PYROXD2: variants seen among roughly 807,000 people sequenced by gnomAD.
The protein encoded by PYROXD2 is pyridine nucleotide-disulfide oxidoreductase domain-containing protein 2.
Under a neutral mutation model 71.1 loss-of-function variants are expected in PYROXD2, and 69 were observed. The ratio of observed to expected loss-of-function variants is 0.97; its 90% CI spans 0.80 to 1.19. The LOEUF is 1.19. PYROXD2 is among the 50% of genes most tolerant of loss of function. The pLI is 0.00. For missense variants in PYROXD2, 745 were observed against 748.9 expected (o/e 0.99, Z 0.06); for synonymous variants, 287 against 302.7 (o/e 0.95, Z 0.54).
chr10:98,389,256 A>G (rs1265057186), intron 12 of PYROXD2, among the ~76,000 whole-genome samples: 5 of 151,366 alleles, frequency 3.3e-5, no homozygotes, highest in African/African-American at 1.2e-4. Flanking sequence ...TTTGACCCAC[A>G]TCCCACTCCC....
rs772683205 is a variant in PYROXD2 at position 98,395,251 on chromosome 10, G to C, written c.730C>G (p.Leu244Val). Residue 244 changes from leucine (L) to valine (V), a missense_variant, in exon 8 of 16, where the codon CTA becomes GTA. By Grantham distance (32) the Leu-to-Val change is conservative. Transcript: ENST00000370575. The part of the protein sequence containing the change: ...WFESEPLKAT[L>V]ATDAVIGAMT... Reference sequence around the variant, plus strand: ...GCTCCAATCACTGCATCTGTGGCTAGAGTGGCTTTTAAAGGCTCAGACTCG... The same window carrying C: ...GCTCCAATCACTGCATCTGTGGCTACAGTGGCTTTTAAAGGCTCAGACTCG... 1 of 1,613,796 alleles carries C rather than the reference G, an allele frequency of 6.2e-7. No homozygotes were observed. Among genetic ancestry groups the C allele is most frequent in the East Asian group, 2.2e-5 (1 of 44,888 alleles).
At chr10:98,395,598 T>C in intron 6 of PYROXD2, 146 bp from the exon 7 acceptor site, 1 of 694,360 alleles carries the variant, frequency 1.4e-6, no homozygotes, top group East Asian at 2.7e-5. Context: ...AGATCCAGCT[T>C]GAGTCCTGGC....
At position 98,390,724 on chromosome 10, in the gene PYROXD2, G is replaced by A. The variant is rs544916988; in HGVS notation, c.1166C>T (p.Ala389Val). Residue 389 changes from alanine to valine, a missense_variant, in exon 12 of 16, where the codon GCG becomes GTG. Ala to Val is a moderately conservative substitution (Grantham distance 64). Coordinates refer to ENST00000370575, the MANE Select transcript of PYROXD2 (RefSeq NM_032709.3). Reference protein sequence around the residue: ...VAVDRLPSFLAAPNAPRGQPL... With the variant: ...VAVDRLPSFLVAPNAPRGQPL... ...CTGGCCCCTGGGAGCATTGGGGGCC[G>A]CCAGGAAGCTGGGCAGCCTGTCTAC... 9.0e-5 allele frequency: 144 copies of A among 1,605,840 alleles called. No homozygotes were observed. Among genetic ancestry groups the A allele is most frequent in the Admixed American group, 4.4e-4 (26 of 58,994 alleles).
chr10:98,397,217 G>T (rs1265721981), intron 6 of PYROXD2, 128 bp downstream of exon 6: 9 of 1,270,706 alleles, frequency 7.1e-6, no homozygotes, highest in Non-Finnish European at 9.5e-6. Flanking sequence ...CTAATTGATC[G>T]CAGCATGTTA....
In PYROXD2 at chr10:98,405,492, G is replaced by C. The variant is rs12243998; in HGVS notation, c.315+2090C>G. Among the ~76,000 whole-genome samples, 12 of 152,292 alleles carry C rather than the reference G, an allele frequency of 7.9e-5. No homozygotes were observed. The East Asian group carries it at 2.3e-3, about 29-fold the overall frequency. ...GCCAAATGGGGGTAATAATAATAGCGACAAGTACTGAGCCCTCTGTGCACC... is the reference window on the plus strand; with the variant it reads ...GCCAAATGGGGGTAATAATAATAGCCACAAGTACTGAGCCCTCTGTGCACC... On this transcript the variant is annotated intron_variant, in intron 4 of 15. Transcript: ENST00000370575.
rs1395553565 is a variant in PYROXD2, at chr10:98,395,128, A to G, written c.785+68T>C. ...GGCAGCTGTTGTTGCTGCCACTGCC[A>G]CTGTTGTCCTCACTCCTGTTGGGGA... On this transcript the variant is annotated intron_variant, in intron 8 of 15. Coordinates refer to ENST00000370575, the MANE Select transcript of PYROXD2 (RefSeq NM_032709.3). 4 of 1,359,048 alleles carry G rather than the reference A, an allele frequency of 2.9e-6. No individual in the cohort carries two copies. The African/African-American group carries it at 5.7e-5, about 19-fold the overall frequency. The allele number at this position is 1,359,048 out of a possible 1,614,324, so 84.2% of individuals were successfully genotyped here.
At chr10:98,408,791 A>T (rs1289875252) in intron 2 of PYROXD2, among the ~76,000 whole-genome samples, 1 of 152,228 alleles carries the variant, frequency 6.6e-6, no homozygotes, top group Non-Finnish European at 1.5e-5. Context: ...CAAAAGTCGG[A>T]CTTTTCAAAA....
At chr10:98,402,123 T>C (rs1285713506) in intron 4 of PYROXD2, among the ~76,000 whole-genome samples, 1 of 152,226 alleles carries the variant, frequency 6.6e-6, no homozygotes, top group Non-Finnish European at 1.5e-5. Context: ...GGGAATTTTT[T>C]CAGCTCCATT....
At chr10:98,391,601 T>C (rs1347380969) in intron 10 of PYROXD2, among the ~76,000 whole-genome samples, 1 of 152,112 alleles carries the variant, frequency 6.6e-6, no homozygotes, top group East Asian at 1.9e-4. Flanking sequence ...CCCTCCCTGT[T>C]TGCACACCCA....
intron 10 of PYROXD2, among the ~76,000 whole-genome samples, 197 bp from the exon 11 acceptor site, chr10:98,391,279 C>T (rs924140255): frequency 3.3e-5 from 5 of 152,176 alleles, no homozygotes; most frequent in East Asian, 1.9e-4. Flanking sequence ...TCCTCCTCCG[C>T]GCTTGGCCAG....
intron 8 of PYROXD2, among the ~76,000 whole-genome samples, chr10:98,394,458 C>T (rs1042190853): frequency 1.2e-4 from 18 of 151,974 alleles, no homozygotes; most frequent in Non-Finnish European, 1.5e-4. Flanking sequence ...AGAAAAGCCA[C>T]GTCGACGCCT....
Position 98,390,710 on chromosome 10 carries a change from G to T in PYROXD2, c.1180C>A (p.Pro394Thr). ...LPSFLAAPNA[P>T]RGQPLPHHQC... ...TGATGGGGCAGCGGCTGGCCCCTGGGAGCATTGGGGGCCGCCAGGAAGCTG... is the reference window on the plus strand; with the variant it reads ...TGATGGGGCAGCGGCTGGCCCCTGGTAGCATTGGGGGCCGCCAGGAAGCTG... The change falls in exon 12 of 16, where the codon CCC (proline) becomes ACC (threonine). Residue 394 changes from proline to threonine, a missense_variant. Transcript: ENST00000370575. 1.9e-6 allele frequency: 3 copies of T among 1,610,620 alleles called. No homozygotes were observed. The highest frequency in any genetic ancestry group is 2.5e-6 in the Non-Finnish European group (3 of 1,178,362).
intron 4 of PYROXD2, among the ~76,000 whole-genome samples, chr10:98,403,088 G>A (rs1282102603): frequency 2.0e-5 from 3 of 152,180 alleles, no homozygotes; most frequent in African/African-American, 2.4e-5. Context: ...CAGGCTCGCC[G>A]CAGCTCTGGA....
Position 98,383,655 on chromosome 10 carries a change from G to A in PYROXD2, c.*143C>T, listed in dbSNP as rs1052060452. On this transcript the variant is annotated 3_prime_UTR_variant, in exon 16 of 16. Coordinates refer to ENST00000370575, the MANE Select transcript of PYROXD2 (RefSeq NM_032709.3). Reference sequence around the variant, plus strand: ...GGTCAACTTGCACTAAATGTAACTCGTACGTTTTTTCTAAAATAATTTCTT... The same window carrying A: ...GGTCAACTTGCACTAAATGTAACTCATACGTTTTTTCTAAAATAATTTCTT... The A allele has an allele frequency of 3.0e-5, 22 of 731,392 alleles. No individual in the cohort carries two copies. Among genetic ancestry groups the A allele is most frequent in the African/African-American group, 5.2e-5 (3 of 57,170 alleles). The allele number at this position is 731,392 out of a possible 1,614,324, so 45.3% of individuals were successfully genotyped here.
In PYROXD2 at chr10:98,415,141, C is replaced by T. The variant is rs1377251250; in HGVS notation, c.-6G>A. ...CCTCGGCCACTTGCAGCCATTTCTG[C>T]CCCAGGCTGGGCCTTGCTAGGCAGG... On this transcript the variant is annotated 5_prime_UTR_variant, in exon 1 of 16. Coordinates refer to ENST00000370575, the MANE Select transcript of PYROXD2 (RefSeq NM_032709.3). 1.9e-6 allele frequency: 3 copies of T among 1,612,034 alleles called. No homozygotes were observed. Among genetic ancestry groups the T allele is most frequent in the South Asian group, 1.1e-5 (1 of 90,778 alleles).
In PYROXD2 at chr10:98,407,950, C is replaced by A; in HGVS notation, c.195G>T (p.Arg65Ser). 6.2e-7 allele frequency: 1 copy of A among 1,611,324 alleles called. No individual in the cohort carries two copies. The highest frequency in any genetic ancestry group is 1.3e-5 in the African/African-American group (1 of 75,030). ...CAGCTGCACCCCCGATCACATGGCGCCTCTCGAAGACGGCGGTGTTCACCC... is the reference window on the plus strand; with the variant it reads ...CAGCTGCACCCCCGATCACATGGCGACTCTCGAAGACGGCGGTGTTCACCC... ...RLGVNTAVFE[R>S]RHVIGGAAVT... is the part of the protein sequence containing the mutation. The change falls in exon 3 of 16, where the codon AGG becomes AGT. Residue 65 changes from arginine to serine, a missense_variant. Physicochemically the swap from Arg to Ser is moderately radical, Grantham distance 110. Transcript: ENST00000370575.
At chr10:98,392,375 T>C in intron 10 of PYROXD2, 57 bp downstream of exon 10, 2 of 1,589,536 alleles carry the variant, frequency 1.3e-6, no homozygotes, top group South Asian at 2.3e-5. Context: ...ATCCCCACGA[T>C]TTCTAACCCC....
intron 4 of PYROXD2, among the ~76,000 whole-genome samples, chr10:98,400,721 C>T (rs1843367580): frequency 6.6e-6 from 1 of 152,186 alleles, no homozygotes; most frequent in South Asian, 2.1e-4. Flanking sequence ...ACAATGGTTA[C>T]CTCACAATAA....
chr10:98,396,560 G>T (rs996345385), intron 6 of PYROXD2, among the ~76,000 whole-genome samples: 1 of 152,128 alleles, frequency 6.6e-6, no homozygotes, highest in Non-Finnish European at 1.5e-5. Context: ...CCTTCCATTC[G>T]CATACTCATG....
Sources: allele counts gnomAD v4.1 joint callset (sites outside exome capture counted in the v4.1 genomes callset), GRCh38; gene constraint gnomAD v4.1.1; transcripts MANE v1.5; gene names NCBI Gene and HGNC (gene_info 2026-07-23, HGNC 2026-07-21).